Variants in RPL18A observed in about 807,000 individuals in gnomAD.
RPL18A encodes large ribosomal subunit protein eL20.
For synonymous variants in RPL18A, 122 were observed against 96.9 expected, an observed-to-expected ratio of 1.26 and a Z score of -1.52; for missense variants, 163 against 254.1, an observed-to-expected ratio of 0.64 and a Z score of 2.44.
intron 2 of RPL18A, chr19:17,861,883 C>A: frequency 1.7e-6 from 1 of 603,454 alleles, no homozygotes; most frequent in Non-Finnish European, 2.9e-6. Flanking sequence ...GAAGCCTGGA[C>A]TTCAGGCTGT....
chr19:17,861,661 C>T, intron 2 of RPL18A, 189 bp downstream of exon 2: 1 of 597,414 alleles, frequency 1.7e-6, no homozygotes, highest in South Asian at 2.1e-5. Flanking sequence ...AGCTTATGTG[C>T]CATTTCCCTG....
intron 2 of RPL18A, 107 bp from the exon 3 acceptor site, chr19:17,861,987 A>G (rs1376230332): frequency 2.5e-5 from 32 of 1,305,814 alleles, no homozygotes; most frequent in Non-Finnish European, 3.1e-5. Context: ...GCCATAGAGT[A>G]GGCCTGGAGC....
At chr19:17,862,521 G>T in intron 3 of RPL18A, 1 of 703,356 alleles carries the variant, frequency 1.4e-6, no homozygotes. Context: ...CCCCTGCCTA[G>T]TGTTGGGAGC....
chr19:17,859,929 G>C lies in RPL18A; in HGVS notation c.-28G>C. ...CGCGACAGAGGACACTTCCTTTTGC[G>C]GGTGGCGGCGAACGCGGAGAGCACG... On this transcript the variant is annotated 5_prime_UTR_variant, in exon 1 of 5. Coordinates refer to ENST00000222247, the MANE Select transcript of RPL18A (RefSeq NM_000980.4). 1.3e-6 allele frequency: 2 copies of C among 1,543,642 alleles called. No individual in the cohort carries two copies. The highest frequency in any genetic ancestry group is 2.3e-4 in the Middle Eastern group (1 of 4,376).
chr19:17,861,151 C>T, intron 1 of RPL18A, 142 bp from the exon 2 acceptor site: 2 of 678,378 alleles, frequency 2.9e-6, no homozygotes, highest in South Asian at 3.6e-5. Flanking sequence ...CTACAGTCAC[C>T]AAGAATCCAC....
rs1203395580 is a variant in RPL18A, at chr19:17,862,112, C to A, written c.217C>A (p.Leu73Met). 1.9e-6 allele frequency: 3 copies of A among 1,612,032 alleles called. No homozygotes were observed. The highest frequency in any genetic ancestry group is 2.5e-6 in the Non-Finnish European group (3 of 1,179,914). ...TTGGCAGGTGTTTGAGAAGTCCCCC[C>A]TGCGGGTGAAGAACTTCGGGATCTG... The part of the protein sequence containing the change: ...YCGQVFEKSP[L>M]RVKNFGIWLR... Residue 73 changes from leucine (L) to methionine (M), a missense_variant, in exon 3 of 5, where the codon CTG (leucine) becomes ATG (methionine). Transcript: ENST00000222247.
intron 1 of RPL18A, 187 bp from the exon 2 acceptor site, chr19:17,861,106 C>A: frequency 1.7e-6 from 1 of 597,920 alleles, no homozygotes; most frequent in Non-Finnish European, 3.0e-6. Flanking sequence ...CTCCTCAGTT[C>A]ATTTTGTGTA....
chr19:17,862,994 C>T lies in RPL18A; in HGVS notation c.405C>T (p.Ser135=), dbSNP rs1262783861. The part of the protein sequence containing the change: ...QIMKVEEIAA[S]KCRRPAVKQF... Reference sequence around the variant, plus strand: ...TGAAGGTGGAGGAGATCGCGGCCAGCAAGTGCCGCCGGCCGGCTGTCAAGC... The same window carrying T: ...TGAAGGTGGAGGAGATCGCGGCCAGTAAGTGCCGCCGGCCGGCTGTCAAGC... Residue 135 remains serine, a synonymous_variant, in exon 4 of 5, where the codon AGC becomes AGT. Coordinates refer to ENST00000222247, the MANE Select transcript of RPL18A (RefSeq NM_000980.4). The T allele has an allele frequency of 1.2e-6, 2 of 1,612,080 alleles. No homozygotes were observed. The highest frequency in any genetic ancestry group is 1.7e-6 in the Non-Finnish European group (2 of 1,179,182).
At position 17,863,033 on chromosome 19, in the gene RPL18A, T is replaced by C. The variant is rs762471482; in HGVS notation, c.438+6T>C. 2.5e-6 allele frequency: 4 copies of C among 1,606,344 alleles called. No individual in the cohort carries two copies. In the South Asian group the frequency reaches 4.4e-5, roughly 18 times the overall value. On this transcript the variant is annotated splice_donor_region_variant and intron_variant, in intron 4 of 4. Transcript: ENST00000222247. ...CGGCTGTCAAGCAGTTCCACGTGAG[T>C]GCCCTGGGGGACTCCCCTGGAGGGA...
intron 1 of RPL18A, among the ~76,000 whole-genome samples, chr19:17,860,607 C>T (rs1271148950): frequency 2.6e-5 from 4 of 152,136 alleles, no homozygotes; most frequent in Non-Finnish European, 5.9e-5. Context: ...GTAGGAACTG[C>T]GATAATTTGT....
In RPL18A at chr19:17,860,250, C is replaced by T. The variant is rs372208988; in HGVS notation, c.18+276C>T. On this transcript the variant is annotated intron_variant, in intron 1 of 4. Transcript: ENST00000222247. ...GGAATAAGTCGCGCAGCATAGAGGC[C>T]CTAGCCCCGGCACCTCGTCGAGCCG... is the stretch of plus-strand genomic sequence containing the variant. 204 of 436,430 alleles carry T rather than the reference C, an allele frequency of 4.7e-4. 2 individuals are homozygous for T. The East Asian group carries it at 5.7e-3, about 12-fold the overall frequency. 27.0% of individuals were successfully genotyped at this position (436,430 alleles called of 1,614,324 possible). A position where few individuals can be genotyped will look rare whatever the true frequency, so the allele number is the denominator to read the frequency against.
Position 17,861,101 on chromosome 19 carries a change from C to T in RPL18A, c.19-192C>T, listed in dbSNP as rs1003499292. 2.4e-5 allele frequency: 14 copies of T among 594,008 alleles called. No homozygotes were observed. The Admixed American group carries it at 3.9e-4, about 16-fold the overall frequency. The allele number at this position is 594,008 out of a possible 1,614,324, so 36.8% of individuals were successfully genotyped here. A position where few individuals can be genotyped will look rare whatever the true frequency, so the allele number is the denominator to read the frequency against. On this transcript the variant is annotated intron_variant, in intron 1 of 4. Transcript: ENST00000222247. ...TCCTCCCTGGAGACCTCCCTCTCCT[C>T]AGTTCATTTTGTGTATAAAGTTGTG...
rs1480109547 is a variant in RPL18A at position 17,861,306 on chromosome 19, A to G, written c.32A>G (p.Lys11Arg). 1.2e-6 allele frequency: 2 copies of G among 1,613,680 alleles called. No homozygotes were observed. Among genetic ancestry groups the G allele is most frequent in the African/African-American group, 2.7e-5 (2 of 74,908 alleles). MKASGTLREY[K>R]VVGRCLPTPK... ...GTTTCCTTTCAGCTACGAGAGTACA[A>G]GGTAGTGGGTCGCTGCCTGCCCACC... Residue 11 changes from lysine (K) to arginine (R), a missense_variant, in exon 2 of 5, where the codon AAG becomes AGG. Physicochemically the swap from Lys to Arg is conservative, Grantham distance 26. Coordinates refer to ENST00000222247, the MANE Select transcript of RPL18A (RefSeq NM_000980.4).
chr19:17,861,492 A>G lies in RPL18A; in HGVS notation c.198+20A>G, dbSNP rs111339452. The G allele has an allele frequency of 6.4e-7, 1 of 1,558,534 alleles. No individual in the cohort carries two copies. The highest frequency in any genetic ancestry group is 8.7e-7 in the Non-Finnish European group (1 of 1,147,278). On this transcript the variant is annotated intron_variant, in intron 2 of 4. Transcript: ENST00000222247. ...GGGCAGGTATGGAGAGGCCGGGGCT[A>G]CGTGGGGTCTGGAGTGGATTTGCGC...
chr19:17,861,845 A>G, intron 2 of RPL18A: 1 of 563,586 alleles, frequency 1.8e-6, no homozygotes, highest in Admixed American at 3.2e-5. Flanking sequence ...CAGGAACTGC[A>G]TCTGGGGCTG....
intron 2 of RPL18A, chr19:17,861,849 G>GAACT (rs2094277961): frequency 1.8e-6 from 1 of 566,932 alleles, no homozygotes; most frequent in Non-Finnish European, 3.1e-6. Context: ...AACTGCATCT[G>GAACT]GGGCTGGGTT....
At chr19:17,863,060 G>GTGCC in intron 4 of RPL18A, 33 bp downstream of exon 4, 2 of 1,578,550 alleles carry the variant, frequency 1.3e-6, no homozygotes, top group Non-Finnish European at 1.7e-6. Context: ...CTGGAGGGAA[G>GTGCC]TGCCTGCTCT....
At chr19:17,860,739 GA>G (rs1275009903) in intron 1 of RPL18A, 1 of 155,188 alleles carries the variant, frequency 6.4e-6, no homozygotes, top group Non-Finnish European at 1.4e-5. Flanking sequence ...TGTAAACCGG[GA>G]GTCTTCCCTG....
In RPL18A at chr19:17,863,056, G is replaced by C. The variant is rs755514019; in HGVS notation, c.438+29G>C. Reference sequence around the variant, plus strand: ...AGTGCCCTGGGGGACTCCCCTGGAGGGAAGTGCCTGCTCTGACGCAGGAGC... The same window carrying C: ...AGTGCCCTGGGGGACTCCCCTGGAGCGAAGTGCCTGCTCTGACGCAGGAGC... On this transcript the variant is annotated intron_variant, in intron 4 of 4. Coordinates refer to ENST00000222247, the MANE Select transcript of RPL18A (RefSeq NM_000980.4). 4 of 1,578,688 alleles carry C rather than the reference G, an allele frequency of 2.5e-6. No homozygotes were observed. The South Asian group carries it at 4.4e-5, about 17-fold the overall frequency.
Sources: gnomAD v4.1 joint callset for allele counts (sites outside exome capture counted in the v4.1 genomes callset) on GRCh38, gnomAD v4.1.1 for gene constraint, MANE v1.5 for transcripts, NCBI Gene and HGNC (gene_info 2026-07-23, HGNC 2026-07-21) for gene names.